FAM184A: variants seen among roughly 807,000 people sequenced by gnomAD.
FAM184A encodes the protein family with sequence similarity 184 member A.
FAM184A carries 99 observed loss-of-function variants against 143.8 expected under a neutral mutation model. That is an observed-to-expected ratio of 0.69 (90% CI 0.58 to 0.81). The LOEUF is 0.81. FAM184A is among the 40% of genes least tolerant of loss of function. FAM184A has a pLI of 0.00. For missense variants in FAM184A, 1,217 were observed against 1,310.5 expected, an observed-to-expected ratio of 0.93 and a Z score of 1.10; for synonymous variants, 427 against 446.4, an observed-to-expected ratio of 0.96 and a Z score of 0.55.
chr6:119,045,191 C>A (rs1488070578), intron 1 of FAM184A, among the ~76,000 whole-genome samples: 1 of 151,658 alleles, frequency 6.6e-6, no homozygotes, highest in Non-Finnish European at 1.5e-5. Context: ...ATGGTCATAT[C>A]AAAGAAGCTG....
intron 1 of FAM184A, among the ~76,000 whole-genome samples, chr6:119,113,773 C>A (rs1788992911): frequency 6.6e-6 from 1 of 152,062 alleles, no homozygotes; most frequent in South Asian, 2.1e-4. Flanking sequence ...GACCCCCTGT[C>A]TCTACTAAAA....
At chr6:119,016,405 G>A (rs1458765223) in intron 5 of FAM184A, among the ~76,000 whole-genome samples, 1 of 152,104 alleles carries the variant, frequency 6.6e-6, no homozygotes, top group African/African-American at 2.4e-5. Context: ...ACGAAGATCT[G>A]CAGCTTCACT....
chr6:119,051,677 G>A (rs1410062993), intron 1 of FAM184A, among the ~76,000 whole-genome samples: 1 of 151,696 alleles, frequency 6.6e-6, no homozygotes, highest in Non-Finnish European at 1.5e-5. Context: ...TTTTTAAAAA[G>A]AGAGTATCTT....
intron 3 of FAM184A, among the ~76,000 whole-genome samples, chr6:119,020,898 T>A (rs1785422749): frequency 2.0e-5 from 3 of 152,002 alleles, no homozygotes; most frequent in African/African-American, 7.3e-5. Context: ...AAGACACAGA[T>A]AAAGACAGCA....
intron 7 of FAM184A, 114 bp from the exon 8 acceptor site, chr6:119,003,736 C>A: frequency 2.9e-6 from 3 of 1,027,660 alleles, no homozygotes; most frequent in African/African-American, 1.6e-5. Flanking sequence ...TCTTACAGCC[C>A]AATACTTGAT....
chr6:118,975,236 A>T, intron 12 of FAM184A, 28 bp from the exon 13 acceptor site: 1 of 1,445,824 alleles, frequency 6.9e-7, no homozygotes, highest in South Asian at 1.3e-5. Context: ...TCATTTTTAG[A>T]AGTTTTCTAC....
chr6:119,011,410 T>C lies in FAM184A; in HGVS notation c.1552A>G (p.Lys518Glu). 6.4e-7 allele frequency: 1 copy of C among 1,556,118 alleles called. No individual in the cohort carries two copies. Among genetic ancestry groups the C allele is most frequent in the Non-Finnish European group, 8.7e-7 (1 of 1,144,180 alleles). The change falls in exon 6 of 18, where the codon AAA becomes GAA. Residue 518 changes from lysine (K) to glutamate (E), a missense_variant. Transcript: ENST00000338891. ...TCCTCTTCCAGGTTTAGTTTATCTT[T>C]GTTATGTTGTTCTTCCAAATCCTTA... ...LQMDLEEQHN[K>E]DKLNLEEDKN... is the part of the protein sequence containing the mutation.
intron 1 of FAM184A, among the ~76,000 whole-genome samples, chr6:119,135,496 T>A (rs1236806196): frequency 6.6e-6 from 1 of 152,172 alleles, no homozygotes; most frequent in Non-Finnish European, 1.5e-5. Flanking sequence ...AATAAAAAAA[T>A]TACAGTATTC....
chr6:119,050,504 T>TAAA (rs148556333), intron 1 of FAM184A, among the ~76,000 whole-genome samples: 2 of 148,428 alleles, frequency 1.3e-5, no homozygotes, highest in African/African-American at 4.9e-5. Flanking sequence ...TATGCAGCCA[T>TAAA]AAAAAAAAAA....
chr6:119,003,682 T>G (rs1342369248), intron 7 of FAM184A, 60 bp from the exon 8 acceptor site: 6 of 1,493,254 alleles, frequency 4.0e-6, no homozygotes, highest in Non-Finnish European at 5.4e-6. Flanking sequence ...TGCTGGTTAT[T>G]TTAAATAAGT....
At chr6:119,034,204 A>G (rs1490534682) in intron 1 of FAM184A, among the ~76,000 whole-genome samples, 1 of 151,434 alleles carries the variant, frequency 6.6e-6, no homozygotes, top group Non-Finnish European at 1.5e-5. Context: ...CAAAACTCAT[A>G]GAGTATCGCT....
At position 119,096,427 on chromosome 6, in the gene FAM184A, G is replaced by A. The variant is rs1228371475; in HGVS notation, c.-202+52651C>T. Among the ~76,000 whole-genome samples the A allele has an allele frequency of 3.1e-5, 3 of 98,140 alleles. 1 individual carries two copies. Among genetic ancestry groups the A allele is most frequent in the African/African-American group, 1.1e-4 (3 of 27,564 alleles). The allele number at this position is 98,140 out of a possible 152,430, so 64.4% of individuals were successfully genotyped here. On this transcript the variant is annotated intron_variant, in intron 1 of 16. Coordinates refer to the FAM184A transcript ENST00000352896. Reference sequence around the variant, plus strand: ...CGAGGCGGGTGGATCATGAGGTCAGGAGATCGAGACCATCCTGGCTAACAA... The same window carrying A: ...CGAGGCGGGTGGATCATGAGGTCAGAAGATCGAGACCATCCTGGCTAACAA...
chr6:119,086,020 C>G (rs780502388), intron 1 of FAM184A, among the ~76,000 whole-genome samples: 2 of 152,142 alleles, frequency 1.3e-5, no homozygotes, highest in Non-Finnish European at 2.9e-5. Context: ...TCCTACCAGG[C>G]TGCACCTCCA....
chr6:119,068,728 C>T (rs529732395), intron 1 of FAM184A, among the ~76,000 whole-genome samples: 2 of 152,222 alleles, frequency 1.3e-5, no homozygotes, highest in South Asian at 4.2e-4. Context: ...ACATTAACTC[C>T]GGGGTTTCCA....
In FAM184A at chr6:118,979,362, T is replaced by C; in HGVS notation, c.2455+3A>G. The stretch of plus-strand genomic sequence containing the variant: ...TGACAAGATTGTAATCTTTTCAAAA[T>C]ACCAAGCATAGCCTTTCCTTCATCT... On this transcript the variant is annotated splice_donor_region_variant and intron_variant, in intron 11 of 17. Transcript: ENST00000338891. 6.3e-7 allele frequency: 1 copy of C among 1,597,144 alleles called. No individual in the cohort carries two copies. Among genetic ancestry groups the C allele is most frequent in the South Asian group, 1.1e-5 (1 of 87,196 alleles).
At chr6:119,078,961 C>T (rs530471248), upstream of FAM184A, 10 of 152,156 alleles carry the variant, frequency 6.6e-5, no homozygotes, top group South Asian at 1.9e-3. The surrounding 1 kb of genome is among the most constrained non-coding windows in gnomAD (Gnocchi z 5.5). Flanking sequence ...TGAGGCCTGA[C>T]GTAAAAAAAA....
At chr6:118,960,794 C>T (rs182566160) in intron 17 of FAM184A, 57 of 1,365,310 alleles carry the variant, frequency 4.2e-5, no homozygotes, top group East Asian at 4.1e-4. Flanking sequence ...TTACAAGGCA[C>T]GCAACAATGT....
chr6:118,991,692 C>T (rs761163899), intron 9 of FAM184A, among the ~76,000 whole-genome samples: 16 of 144,858 alleles, frequency 1.1e-4, no homozygotes, highest in African/African-American at 3.8e-4. Flanking sequence ...TTTAGTAGGA[C>T]AGTGAGAGTC....
At chr6:119,074,315 C>A (rs1177551913) in intron 1 of FAM184A, among the ~76,000 whole-genome samples, 1 of 152,140 alleles carries the variant, frequency 6.6e-6, no homozygotes, top group Non-Finnish European at 1.5e-5. Flanking sequence ...GGCAATAATA[C>A]CCCCTTCCCT....
Sources: gnomAD v4.1 joint callset for allele counts (sites outside exome capture counted in the v4.1 genomes callset) on GRCh38, gnomAD v4.1.1 for gene constraint, Gnocchi (gnomAD v3.1) non-coding constraint, MANE v1.5 for transcripts, NCBI Gene and HGNC (gene_info 2026-07-23, HGNC 2026-07-21) for gene names.